Variants in SEMA5B observed in about 807,000 individuals in gnomAD.
SEMA5B encodes semaphorin 5B.
In SEMA5B, 66 loss-of-function variants were observed where a neutral mutation model predicts 135.0. The ratio of observed to expected loss-of-function variants is 0.49; its 90% CI spans 0.40 to 0.60. The LOEUF is 0.60. Among genes scored for constraint, SEMA5B ranks in the 20% least tolerant of loss-of-function variants. The pLI, the probability that SEMA5B is intolerant of heterozygous loss-of-function variation, is 0.00. For synonymous variants in SEMA5B, 690 were observed against 639.5 expected (o/e 1.08, Z -1.19); for missense variants, 1,501 against 1,566.3 (o/e 0.96, Z 0.70).
intron 1 of SEMA5B, among the ~76,000 whole-genome samples, chr3:123,026,416 G>T (rs1003709947): frequency 8.6e-5 from 13 of 151,092 alleles, no homozygotes; most frequent in African/African-American, 2.9e-4. Context: ...GCGGCGGGCA[G>T]TCGGAACTAC....
chr3:122,958,850 T>G (rs1940451916), intron 2 of SEMA5B, among the ~76,000 whole-genome samples: 15 of 152,172 alleles, frequency 9.9e-5, no homozygotes, highest in Admixed American at 9.8e-4. Context: ...TTCTGCAATC[T>G]GGGCTGAGTT....
chr3:122,979,606 C>T (rs923640551), intron 1 of SEMA5B, among the ~76,000 whole-genome samples: 3 of 152,210 alleles, frequency 2.0e-5, no homozygotes, highest in African/African-American at 7.2e-5. Context: ...GAGGGGGATT[C>T]ACAATTGGGA....
At position 122,913,418 on chromosome 3, in the gene SEMA5B, T is replaced by C. The variant is rs541856028; in HGVS notation, c.2287A>G (p.Lys763Glu). 3 of 1,569,636 alleles carry C rather than the reference T, an allele frequency of 1.9e-6. No individual in the cohort carries two copies. The highest frequency in any genetic ancestry group is 4.6e-5 in the East Asian group (2 of 43,884). Reference protein sequence around the residue: ...NSCLGCGVEFKTCNPEGCPEV... With the variant: ...NSCLGCGVEFETCNPEGCPEV... ...GGGCAGCCCTCGGGGTTGCACGTCT[T>C]GAACTCCTGCGGGTGGCGGCAGAGG... The change falls in exon 17 of 23, where the codon AAG (lysine) becomes GAG (glutamate). Residue 763 changes from lysine (K) to glutamate (E), a missense_variant. Coordinates refer to ENST00000357599, the MANE Select transcript of SEMA5B (RefSeq NM_001031702.4).
chr3:122,972,851 A>G (rs940382150), intron 1 of SEMA5B, among the ~76,000 whole-genome samples: 1 of 152,208 alleles, frequency 6.6e-6, no homozygotes, highest in Non-Finnish European at 1.5e-5. Context: ...GAGCAGCTAC[A>G]GATCCAAATG....
intron 12 of SEMA5B, 103 bp downstream of exon 12, chr3:122,921,811 TG>T: frequency 2.3e-6 from 2 of 881,630 alleles, no homozygotes; most frequent in Non-Finnish European, 3.3e-6. Context: ...GGCACACTAG[TG>T]GAGACTGCAG....
At chr3:122,916,915 T>G (rs1409927647) in intron 12 of SEMA5B, among the ~76,000 whole-genome samples, 1 of 152,254 alleles carries the variant, frequency 6.6e-6, no homozygotes, top group Non-Finnish European at 1.5e-5. Flanking sequence ...GTTCACACAC[T>G]GATGCATGCC....
chr3:122,976,008 C>A, intron 1 of SEMA5B: 1 of 1,535,116 alleles, frequency 6.5e-7, no homozygotes. Flanking sequence ...ACCTCGATCC[C>A]TTCGCTTCTG....
At chr3:122,932,243 ATTTTTTTTTTTTTTTTT>A (rs71136597) in intron 5 of SEMA5B, among the ~76,000 whole-genome samples, 1 of 85,380 alleles carries the variant, frequency 1.2e-5, no homozygotes, top group African/African-American at 4.6e-5. Context: ...TCTCAATATG[ATTTTTTTTTTTTTTTTT>A]TTTTTTTTTT....
intron 1 of SEMA5B, among the ~76,000 whole-genome samples, chr3:123,008,606 T>C (rs1262927386): frequency 6.6e-6 from 1 of 151,592 alleles, no homozygotes; most frequent in Non-Finnish European, 1.5e-5. Context: ...AAGGACAGGG[T>C]TTTGAGAAGA....
At chr3:122,976,338 A>G (rs948334255) in intron 1 of SEMA5B, among the ~76,000 whole-genome samples, 1 of 151,906 alleles carries the variant, frequency 6.6e-6, no homozygotes, top group South Asian at 2.1e-4. Flanking sequence ...TCCAGACTCT[A>G]TTGCACACTC....
At chr3:123,026,668 C>T (rs1462268202) in intron 1 of SEMA5B, among the ~76,000 whole-genome samples, 2 of 152,160 alleles carry the variant, frequency 1.3e-5, no homozygotes, top group South Asian at 4.1e-4. Flanking sequence ...TGCCCGAGCG[C>T]CCCCCGCTCC....
At chr3:122,976,170 C>A (rs1468481274) in intron 1 of SEMA5B, 2 of 1,525,886 alleles carry the variant, frequency 1.3e-6, no homozygotes, top group South Asian at 2.4e-5. Context: ...TTGGGCTGTG[C>A]AGATGCAAGA....
intron 1 of SEMA5B, among the ~76,000 whole-genome samples, chr3:123,016,410 C>T (rs1232960458): frequency 6.6e-6 from 1 of 152,156 alleles, no homozygotes; most frequent in Non-Finnish European, 1.5e-5. Context: ...TTGCCTATAA[C>T]CTACACACAT....
chr3:122,926,537 G>C lies in SEMA5B; in HGVS notation c.991C>G (p.Leu331Val), dbSNP rs760948291. 1 of 1,614,270 alleles carries C rather than the reference G, an allele frequency of 6.2e-7. No homozygotes were observed. The highest frequency in any genetic ancestry group is 8.5e-7 in the Non-Finnish European group (1 of 1,180,050). The change falls in exon 9 of 23, where the codon CTG becomes GTG. Residue 331 changes from leucine (L) to valine (V), a missense_variant. Transcript: ENST00000357599. ...VCKNDVGGRF[L>V]LEDTWTTFMK... ...AATGTGGTCCATGTGTCCTCCAGCA[G>C]GAATCGGCCCCCCACGTCATTCTTG...
intron 9 of SEMA5B, 55 bp from the exon 10 acceptor site, chr3:122,923,807 C>T: frequency 1.2e-6 from 2 of 1,602,212 alleles, no homozygotes; most frequent in South Asian, 1.1e-5. Flanking sequence ...TGGCACCCTC[C>T]TCATAAACCC....
Position 122,948,608 on chromosome 3 carries a change from G to A in SEMA5B, c.226C>T (p.Leu76=), listed in dbSNP as rs1460456255. The change falls in exon 3 of 23, where the codon CTG becomes TTG. Residue 76 remains leucine (L), a synonymous_variant. Transcript: ENST00000357599. ...AVSLLLPSLT[L]LVSHLSSSQD... ...GAGCTGGAGAGGTGGGACACCAGCA[G>A]TGTGAGGCTGGGCAGCAACAGCGAG... 6.2e-7 allele frequency: 1 copy of A among 1,614,064 alleles called. No individual in the cohort carries two copies. Among genetic ancestry groups the A allele is most frequent in the East Asian group, 2.2e-5 (1 of 44,878 alleles).
chr3:122,928,971 C>T (rs897329566), intron 6 of SEMA5B, 25 bp downstream of exon 6: 3 of 1,609,982 alleles, frequency 1.9e-6, no homozygotes, highest in Non-Finnish European at 2.5e-6. Context: ...CCAGGTGGGG[C>T]CCCTGGACCG....
chr3:122,992,967 G>C (rs1218723084), intron 1 of SEMA5B: 1 of 152,292 alleles, frequency 6.6e-6, no homozygotes, highest in Non-Finnish European at 1.5e-5. Context: ...GAGCAGACCT[G>C]GGGCCACAGG....
At chr3:122,935,761 G>C (rs566950132) in intron 5 of SEMA5B, among the ~76,000 whole-genome samples, 5 of 134,538 alleles carry the variant, frequency 3.7e-5, no homozygotes, top group South Asian at 2.3e-4. Context: ...CGTGATACCT[G>C]CTCACTGCAA....
Sources: allele counts gnomAD v4.1 joint callset (sites outside exome capture counted in the v4.1 genomes callset), GRCh38; gene constraint gnomAD v4.1.1; transcripts MANE v1.5; gene names NCBI Gene and HGNC (gene_info 2026-07-23, HGNC 2026-07-21).